Variants in KCNT2 observed in about 807,000 individuals in gnomAD.
The protein encoded by KCNT2 is potassium channel subfamily T member 2.
In KCNT2, 67 loss-of-function variants were observed where a neutral mutation model predicts 153.8. That is an observed-to-expected ratio of 0.44 (90% confidence interval 0.36 to 0.53). The LOEUF is 0.53. Ranked by LOEUF, KCNT2 falls within the 20% of genes least tolerant of loss-of-function variation. The probability of loss-of-function intolerance (pLI) is 0.00; values close to 1 mark genes in which losing one functional copy is unlikely to be tolerated. For missense variants in KCNT2, 975 were observed against 1,354.8 expected (o/e 0.72, Z 4.40); for synonymous variants, 500 against 458.8 (o/e 1.09, Z -1.15).
intron 23 of KCNT2, among the ~76,000 whole-genome samples, chr1:196,283,439 C>CAACA (rs1161483567): frequency 4.0e-5 from 6 of 151,558 alleles, no homozygotes; most frequent in Admixed American, 3.9e-4. Context: ...CATCTCAAAA[C>CAACA]AACAAACAAA....
intron 19 of KCNT2, among the ~76,000 whole-genome samples, chr1:196,323,432 T>C (rs577112131): frequency 6.6e-5 from 10 of 151,890 alleles, no homozygotes; most frequent in Admixed American, 5.9e-4. Context: ...AAGGTTGGGG[T>C]GGTAATCAAA....
chr1:196,397,623 G>A (rs1671055239), intron 13 of KCNT2, among the ~76,000 whole-genome samples: 1 of 151,466 alleles, frequency 6.6e-6, no homozygotes, highest in South Asian at 2.1e-4. Flanking sequence ...AGGAAAAAAA[G>A]TGATGACATA....
chr1:196,434,075 A>G (rs947087231), intron 8 of KCNT2, among the ~76,000 whole-genome samples: 40 of 152,062 alleles, frequency 2.6e-4, no homozygotes, highest in Admixed American at 7.2e-4. Context: ...ACTTAAACCA[A>G]TGAGTTGATT....
At chr1:196,386,829 A>G (rs1203280027) in intron 13 of KCNT2, among the ~76,000 whole-genome samples, 1 of 152,126 alleles carries the variant, frequency 6.6e-6, no homozygotes. Context: ...GGCTTAAATG[A>G]GAATTTGTTA....
intron 25 of KCNT2, among the ~76,000 whole-genome samples, chr1:196,266,734 T>A (rs1161651488): frequency 6.6e-6 from 1 of 152,128 alleles, no homozygotes; most frequent in Non-Finnish European, 1.5e-5. Context: ...CTGAAAAAAA[T>A]AAATGGAGGC....
chr1:196,271,517 T>C (rs569971643), intron 25 of KCNT2, among the ~76,000 whole-genome samples: 127 of 152,028 alleles, frequency 8.4e-4, no homozygotes, highest in Non-Finnish European at 1.6e-3. Flanking sequence ...TTAGTAAGTG[T>C]GCCAGTGAAA....
intron 22 of KCNT2, among the ~76,000 whole-genome samples, chr1:196,286,190 T>C (rs2147893421): frequency 6.6e-6 from 1 of 152,192 alleles, no homozygotes; most frequent in South Asian, 2.1e-4. Context: ...GTCTGAATGT[T>C]TGTGTCCCCT....
chr1:196,447,645 T>C (rs989810664), intron 8 of KCNT2, among the ~76,000 whole-genome samples: 1 of 151,586 alleles, frequency 6.6e-6, no homozygotes, highest in Non-Finnish European at 1.5e-5. Context: ...ATAGGGCTTA[T>C]CAATGGATTG....
At chr1:196,411,131 T>C (rs1672291004) in intron 12 of KCNT2, among the ~76,000 whole-genome samples, 1 of 135,844 alleles carries the variant, frequency 7.4e-6, no homozygotes, top group East Asian at 2.3e-4. Flanking sequence ...CCTCCCTTCT[T>C]TCCTACCTCC....
chr1:196,587,242 C>A (rs1248836785), intron 1 of KCNT2, among the ~76,000 whole-genome samples: 2 of 151,968 alleles, frequency 1.3e-5, no homozygotes, highest in Admixed American at 1.3e-4. Flanking sequence ...TAGCACTGAG[C>A]TAAGGAATTT....
intron 8 of KCNT2, among the ~76,000 whole-genome samples, chr1:196,451,053 A>G (rs542000828): frequency 6.6e-6 from 1 of 151,732 alleles, no homozygotes; most frequent in Admixed American, 6.6e-5. Context: ...CTGACATTAT[A>G]TAATGTCAGC....
chr1:196,400,346 C>A (rs1449290386), intron 12 of KCNT2, among the ~76,000 whole-genome samples: 1 of 151,624 alleles, frequency 6.6e-6, no homozygotes. Flanking sequence ...TATTTTATTT[C>A]ATTATGTTTA....
chr1:196,297,910 G>T (rs1660824753), intron 22 of KCNT2, among the ~76,000 whole-genome samples: 1 of 152,106 alleles, frequency 6.6e-6, no homozygotes, highest in South Asian at 2.1e-4. Context: ...ATGTTGTAAT[G>T]CCTAGAATTC....
chr1:196,378,170 T>C (rs1306105787), intron 13 of KCNT2, among the ~76,000 whole-genome samples: 1 of 152,140 alleles, frequency 6.6e-6, no homozygotes, highest in African/African-American at 2.4e-5. Context: ...TTTTATATGT[T>C]GCTTTGGAGG....
intron 25 of KCNT2, among the ~76,000 whole-genome samples, chr1:196,263,969 A>G (rs1657276354): frequency 6.6e-6 from 1 of 151,716 alleles, no homozygotes; most frequent in Non-Finnish European, 1.5e-5. Flanking sequence ...TGTTTAATTC[A>G]ATCTCTACTT....
rs571826553 is a variant in KCNT2 at position 196,517,013 on chromosome 1, T to C, written c.96-24672A>G. On this transcript the variant is annotated intron_variant, in intron 1 of 27. Transcript: ENST00000294725. Reference sequence around the variant, plus strand: ...CTGGGACTATGGAGCCAGTAGCAGCTCTACAACTCCTGGGAGAGAGCTCCC... The same window carrying C: ...CTGGGACTATGGAGCCAGTAGCAGCCCTACAACTCCTGGGAGAGAGCTCCC... 3.9e-5 allele frequency among the ~76,000 whole-genome samples: 6 copies of C among 152,238 alleles called. No homozygotes were observed. The South Asian group carries it at 1.2e-3, about 32-fold the overall frequency.
At chr1:196,522,712 C>CTA (rs1653605300) in intron 1 of KCNT2, among the ~76,000 whole-genome samples, 1 of 152,084 alleles carries the variant, frequency 6.6e-6, no homozygotes, top group Non-Finnish European at 1.5e-5. Flanking sequence ...AGTCAGCACT[C>CTA]TGTAAAAACG....
At chr1:196,474,786 G>A (rs2148683898) in intron 5 of KCNT2, among the ~76,000 whole-genome samples, 1 of 152,266 alleles carries the variant, frequency 6.6e-6, no homozygotes, top group Non-Finnish European at 1.5e-5. Flanking sequence ...AAAAGAATAA[G>A]AACTTTAGTG....
chr1:196,375,883 C>A (rs1160333561), intron 13 of KCNT2, among the ~76,000 whole-genome samples: 1 of 151,690 alleles, frequency 6.6e-6, no homozygotes, highest in Non-Finnish European at 1.5e-5. Flanking sequence ...TATTTAATTT[C>A]TAAGAATGGA....
Sources: gnomAD v4.1 joint callset for allele counts (sites outside exome capture counted in the v4.1 genomes callset) on GRCh38, gnomAD v4.1.1 for gene constraint, MANE v1.5 for transcripts, NCBI Gene and HGNC (gene_info 2026-07-23, HGNC 2026-07-21) for gene names.